Variants in DNAJB4 observed in about 807,000 individuals in gnomAD.
DNAJB4 encodes DnaJ heat shock protein family (Hsp40) member B4, also known as dnaJ homolog subfamily B member 4.
A neutral mutation model predicts 26.6 loss-of-function variants in DNAJB4; 10 were observed. The ratio of observed to expected loss-of-function variants is 0.38; its 90% CI spans 0.23 to 0.64. The LOEUF (loss-of-function observed/expected upper bound fraction) is 0.64. DNAJB4 is among the 30% of genes least tolerant of loss of function. DNAJB4 has a pLI of 0.58. For synonymous variants in DNAJB4, 136 were observed against 134.8 expected (o/e 1.01, Z -0.06); for missense variants, 328 against 408.2 (o/e 0.80, Z 1.69).
rs903735905 is a variant in DNAJB4 at position 78,013,453 on chromosome 1, A to G, written c.614A>G (p.Lys205Arg). 6.2e-7 allele frequency: 1 copy of G among 1,614,210 alleles called. No individual in the cohort carries two copies. The highest frequency in any genetic ancestry group is 1.3e-5 in the African/African-American group (1 of 75,056). ...SEDKILTIEI[K>R]KGWKEGTKIT... The stretch of plus-strand genomic sequence containing the variant: ...GACAAAATTCTTACCATTGAGATTA[A>G]AAAAGGGTGGAAAGAAGGCACCAAA... The change falls in exon 2 of 3, where the codon AAA (lysine) becomes AGA (arginine). Residue 205 changes from lysine (K) to arginine (R), a missense_variant. Lys to Arg is a conservative substitution (Grantham distance 26, BLOSUM62 2). Transcript: ENST00000370763.
intron 1 of DNAJB4, among the ~76,000 whole-genome samples, chr1:77,982,502 A>C (rs1350888420): frequency 6.6e-6 from 1 of 152,262 alleles, no homozygotes; most frequent in Admixed American, 6.5e-5. Flanking sequence ...GTGGTTACCC[A>C]CATTGGCTAC....
intron 1 of DNAJB4, among the ~76,000 whole-genome samples, chr1:77,996,479 A>G (rs1660063056): frequency 6.6e-6 from 1 of 152,118 alleles, no homozygotes; most frequent in South Asian, 2.1e-4. Context: ...AGTATAAAAT[A>G]TGTCTGATCC....
intron 2 of DNAJB4, 126 bp downstream of exon 2, chr1:78,013,745 T>C (rs1458703143): frequency 1.3e-6 from 1 of 746,904 alleles, no homozygotes; most frequent in Non-Finnish European, 2.1e-6. Context: ...ACTATAAAAA[T>C]CCTCTAAGAT....
At chr1:78,012,952 A>T in intron 1 of DNAJB4, 99 bp from the exon 2 acceptor site, 3 of 1,039,532 alleles carry the variant, frequency 2.9e-6, no homozygotes, top group Non-Finnish European at 4.1e-6. Flanking sequence ...AATACATTTT[A>T]ATGTAAGTTA....
At chr1:77,993,174 A>G (rs1659977803) in intron 1 of DNAJB4, among the ~76,000 whole-genome samples, 1 of 152,182 alleles carries the variant, frequency 6.6e-6, no homozygotes, top group Non-Finnish European at 1.5e-5. Context: ...ATTTCCTGGT[A>G]AGGGCCAGAC....
At chr1:77,980,244 C>T (rs1357770187) in exon 1 of DNAJB4, 1 of 151,956 alleles carries the variant, frequency 6.6e-6, no homozygotes, top group Non-Finnish European at 1.5e-5. Context: ...TTTGTAGCTT[C>T]TTAGGCGTAG....
At chr1:78,000,918 G>A (rs1185502332), upstream of DNAJB4, among the ~76,000 whole-genome samples, 1 of 152,146 alleles carries the variant, frequency 6.6e-6, no homozygotes, top group East Asian at 1.9e-4. Context: ...GGGAGGCGGA[G>A]GTTGCAGTGA....
At chr1:77,980,135 G>C (rs914051700), upstream of DNAJB4, 2 of 152,158 alleles carry the variant, frequency 1.3e-5, no homozygotes, top group African/African-American at 2.4e-5. Flanking sequence ...CACCCGCCTC[G>C]GCCTCCCAGA....
At position 78,004,952 on chromosome 1, in the gene DNAJB4, G is replaced by C; in HGVS notation, c.-159G>C. On this transcript the variant is annotated 5_prime_UTR_variant, in exon 1 of 3. Transcript: ENST00000370763. ...AGCCGTTGGGGAAGGATTGAATACA[G>C]AGACGCTGTCTGCTTGCTGCCTTAA... The C allele has an allele frequency of 2.8e-6, 2 of 707,838 alleles. No individual in the cohort carries two copies. The highest frequency in any genetic ancestry group is 2.4e-6 in the Non-Finnish European group (1 of 415,440). The allele number at this position is 707,838 out of a possible 1,614,324, so 43.8% of individuals were successfully genotyped here.
chr1:78,007,126 A>G (rs1261636664), intron 1 of DNAJB4, among the ~76,000 whole-genome samples: 1 of 152,018 alleles, frequency 6.6e-6, no homozygotes, highest in East Asian at 1.9e-4. Flanking sequence ...TGAATTTTTT[A>G]AAAACTAAAT....
At chr1:77,986,363 A>C (rs1468076091) in intron 1 of DNAJB4, among the ~76,000 whole-genome samples, 1 of 152,188 alleles carries the variant, frequency 6.6e-6, no homozygotes, top group East Asian at 1.9e-4. Context: ...CATCCAGACA[A>C]CTCAAACAAT....
rs914509884 is a variant in DNAJB4, at chr1:78,017,581, G to A, written c.*1334G>A. 2.6e-5 allele frequency: 4 copies of A among 151,872 alleles called. No individual in the cohort carries two copies. The highest frequency in any genetic ancestry group is 2.1e-4 in the South Asian group (1 of 4,810). 9.4% of individuals were successfully genotyped at this position (151,872 alleles called of 1,614,324 possible). On this transcript the variant is annotated 3_prime_UTR_variant, in exon 3 of 3. Transcript: ENST00000370763. ...GGTTTTTAGTGATATTTACAAAGTGGTACAATCATCATCACTTTCTAATTC... is the reference window on the plus strand; with the variant it reads ...GGTTTTTAGTGATATTTACAAAGTGATACAATCATCATCACTTTCTAATTC...
At chr1:77,987,256 C>T (rs934057417) in intron 1 of DNAJB4, among the ~76,000 whole-genome samples, 2 of 152,110 alleles carry the variant, frequency 1.3e-5, no homozygotes, top group African/African-American at 4.8e-5. Flanking sequence ...CAAATATCAC[C>T]TACACTCTTC....
chr1:78,016,392 A>T lies in DNAJB4; in HGVS notation c.*145A>T. 1 of 635,352 alleles carries T rather than the reference A, an allele frequency of 1.6e-6. No individual in the cohort carries two copies. Among genetic ancestry groups the T allele is most frequent in the Admixed American group, 3.3e-5 (1 of 30,224 alleles). 39.4% of individuals were successfully genotyped at this position (635,352 alleles called of 1,614,324 possible). ...AAATTGCATGAATAGAGACGGGTCA[A>T]ATAAATAGGCAAAAGGGATTTTTAC... On this transcript the variant is annotated 3_prime_UTR_variant, in exon 3 of 3. Transcript: ENST00000370763.
upstream of DNAJB4, chr1:78,004,521 TAAC>T (rs993814472): frequency 6.6e-6 from 1 of 151,972 alleles, no homozygotes; most frequent in African/African-American, 2.4e-5. Flanking sequence ...ATTATATACT[TAAC>T]AGACAAATAG....
rs540017433 is a variant in DNAJB4 at position 78,013,296 on chromosome 1, C to T, written c.457C>T (p.Arg153Cys). Residue 153 changes from arginine to cysteine, a missense_variant, in exon 2 of 3, where the codon CGC becomes TGC. Arg to Cys is a radical substitution (Grantham distance 180). Transcript: ENST00000370763. ...PRDRNSVGPS[R>C]LKQDPPVIHE... ...AGACAGGAATTCTGTGGGGCCATCCCGCCTCAAACAAGATCCTCCAGTTAT... is the reference window on the plus strand; with the variant it reads ...AGACAGGAATTCTGTGGGGCCATCCTGCCTCAAACAAGATCCTCCAGTTAT... The T allele has an allele frequency of 2.4e-5, 39 of 1,613,862 alleles. No homozygotes were observed. The highest frequency in any genetic ancestry group is 3.1e-5 in the Non-Finnish European group (37 of 1,179,950).
At chr1:78,005,788 C>T (rs1660316266) in intron 1 of DNAJB4, among the ~76,000 whole-genome samples, 1 of 152,142 alleles carries the variant, frequency 6.6e-6, no homozygotes, top group Non-Finnish European at 1.5e-5. Flanking sequence ...TTCACAAAAA[C>T]AAAAAGTAGT....
rs79454536 is a variant in DNAJB4 at position 78,011,430 on chromosome 1, A to T, written c.212-1621A>T. Among the ~76,000 whole-genome samples, 18 of 152,116 alleles carry T rather than the reference A, an allele frequency of 1.2e-4. 1 individual carries two copies. The East Asian group carries it at 3.3e-3, about 28-fold the overall frequency. ...TGTCTAAAAAACCATTTTTCATAGA[A>T]TGTCCTCATTATTAGAATTTTTTTC... On this transcript the variant is annotated intron_variant, in intron 1 of 2. Coordinates refer to ENST00000370763, the MANE Select transcript of DNAJB4 (RefSeq NM_007034.5).
In DNAJB4 at chr1:78,005,077, A is replaced by G; in HGVS notation, c.-34A>G. The G allele has an allele frequency of 1.3e-6, 2 of 1,592,240 alleles. No homozygotes were observed. The highest frequency in any genetic ancestry group is 1.7e-6 in the Non-Finnish European group (2 of 1,169,032). On this transcript the variant is annotated 5_prime_UTR_variant, in exon 1 of 3. Transcript: ENST00000370763. ...ACTGGGGACGCTGTTTTCTTTTACA[A>G]AGGGAAATCTAAGTTAATTTCAAGG...
Sources: gnomAD v4.1 joint callset for allele counts (sites outside exome capture counted in the v4.1 genomes callset) on GRCh38, gnomAD v4.1.1 for gene constraint, MANE v1.5 for transcripts, NCBI Gene and HGNC (gene_info 2026-07-23, HGNC 2026-07-21) for gene names.